GSE1: variants seen among roughly 807,000 people sequenced by gnomAD.
GSE1 encodes the protein genetic suppressor element 1.
GSE1 carries 32 observed loss-of-function variants against 112.6 expected under a neutral mutation model. The observed-to-expected ratio is 0.28, with a 90% CI of 0.21 to 0.38. GSE1 has a LOEUF of 0.38. GSE1 is among the 10% of genes least tolerant of loss of function. The pLI, the probability that GSE1 is intolerant of heterozygous loss-of-function variation, is 1.00. For missense variants in GSE1, 2,348 were observed against 1,699.2 expected, an observed-to-expected ratio of 1.38 and a Z score of -6.71; for synonymous variants, 1,115 against 735.6, an observed-to-expected ratio of 1.52 and a Z score of -8.35.
intron 2 of GSE1, among the ~76,000 whole-genome samples, chr16:85,370,063 C>G (rs1458959893): frequency 6.6e-6 from 1 of 152,160 alleles, no homozygotes; most frequent in Non-Finnish European, 1.5e-5. Context: ...TAGGTGGTCC[C>G]TGCGCCACCC....
intron 9 of GSE1, among the ~76,000 whole-genome samples, chr16:85,662,103 C>CAG (rs1261255784): frequency 6.6e-6 from 1 of 152,228 alleles, no homozygotes; most frequent in Admixed American, 6.5e-5. Flanking sequence ...TGCAGCATAA[C>CAG]AGGAGAGCCG....
intron 2 of GSE1, among the ~76,000 whole-genome samples, chr16:85,420,890 G>A (rs1371879577): frequency 1.3e-5 from 2 of 152,106 alleles, no homozygotes; most frequent in African/African-American, 4.8e-5. Context: ...TACCGGCTGC[G>A]GCGGCGATGG....
chr16:85,403,146 G>A (rs540920693), intron 2 of GSE1, among the ~76,000 whole-genome samples: 6 of 152,290 alleles, frequency 3.9e-5, no homozygotes, highest in African/African-American at 1.4e-4. Context: ...TTCCTTGCCG[G>A]ATGCTGGCTG....
chr16:85,538,984 C>T (rs2044426750), intron 2 of GSE1, among the ~76,000 whole-genome samples: 1 of 152,194 alleles, frequency 6.6e-6, no homozygotes, highest in African/African-American at 2.4e-5. Flanking sequence ...GCCATCCGGG[C>T]CACCATGGCA....
chr16:85,439,051 G>C (rs561124131), intron 2 of GSE1, among the ~76,000 whole-genome samples: 3 of 152,336 alleles, frequency 2.0e-5, no homozygotes, highest in African/African-American at 7.2e-5. Flanking sequence ...AAGCCCAGGG[G>C]AACATGAGAG....
At chr16:85,445,704 C>T (rs115964595) in intron 2 of GSE1, among the ~76,000 whole-genome samples, 3 of 152,172 alleles carry the variant, frequency 2.0e-5, no homozygotes, top group African/African-American at 4.8e-5. Context: ...TCGGGGAGCG[C>T]GCCAGCAGCA....
At chr16:85,297,770 C>T (rs771697078) in intron 1 of GSE1, among the ~76,000 whole-genome samples, 12 of 152,232 alleles carry the variant, frequency 7.9e-5, no homozygotes, top group Non-Finnish European at 1.6e-4. Context: ...CTTGGCCTCC[C>T]AAAGTGCTGG....
At chr16:85,582,019 C>G (rs2046468785) in intron 1 of GSE1, 1 of 152,214 alleles carries the variant, frequency 6.6e-6, no homozygotes, top group African/African-American at 2.4e-5. Context: ...TGCCAGCTAC[C>G]TGGGGTGGAG....
At chr16:85,299,151 G>T (rs1247069826) in intron 1 of GSE1, among the ~76,000 whole-genome samples, 1 of 152,240 alleles carries the variant, frequency 6.6e-6, no homozygotes, top group Non-Finnish European at 1.5e-5. Context: ...CCGTATGTTT[G>T]CACCGTCTTG....
chr16:85,517,088 C>G (rs1374463435), intron 2 of GSE1, among the ~76,000 whole-genome samples: 1 of 152,216 alleles, frequency 6.6e-6, no homozygotes, highest in African/African-American at 2.4e-5. Context: ...TGAGCCACCG[C>G]GCCCGGCCAT....
At chr16:85,665,159 C>A (rs1042529989) in intron 12 of GSE1, 31 bp downstream of exon 12, 6 of 1,338,464 alleles carry the variant, frequency 4.5e-6, no homozygotes, top group Non-Finnish European at 6.4e-6. Flanking sequence ...CCTGCCACCA[C>A]CCAGGACCAT....
rs534116074 is a variant in GSE1 at position 85,662,682 on chromosome 16, A to G, written c.2261-299A>G. On this transcript the variant is annotated intron_variant, in intron 9 of 15. Transcript: ENST00000253458. The stretch of plus-strand genomic sequence containing the variant: ...CCTGTGTTGCCGTGGACACAGCCCC[A>G]GGCCTGTGTGATGAATGGTTCCCTG... 9 of 406,732 alleles carry G rather than the reference A, an allele frequency of 2.2e-5. No individual in the cohort carries two copies. In the East Asian group the frequency reaches 4.2e-4, roughly 19 times the overall value. 25.2% of individuals were successfully genotyped at this position (406,732 alleles called of 1,614,324 possible).
rs118191377 is a variant in GSE1 at position 85,653,630 on chromosome 16, A to G, written c.427-648A>G. On this transcript the variant is annotated intron_variant, in intron 3 of 15. Coordinates refer to ENST00000253458, the MANE Select transcript of GSE1 (RefSeq NM_014615.5). ...CTTCCCTGCCCCACCGTGTGTGTGA[A>G]GGCCGGTACCCCAGCTGGCCAGTCA... Among the ~76,000 whole-genome samples, 33 of 151,984 alleles carry G rather than the reference A, an allele frequency of 2.2e-4. No individual in the cohort carries two copies. The East Asian group carries it at 6.5e-3, about 30-fold the overall frequency.
At chr16:85,454,126 C>A (rs1173561980) in intron 2 of GSE1, among the ~76,000 whole-genome samples, 7 of 152,208 alleles carry the variant, frequency 4.6e-5, no homozygotes, top group Non-Finnish European at 1.0e-4. Context: ...CTGGTGGTAA[C>A]CCTGCTTTCC....
chr16:85,211,903 GGATTTCAAGGCACCA>G (rs2075232643), intron 1 of GSE1, among the ~76,000 whole-genome samples: 1 of 152,218 alleles, frequency 6.6e-6, no homozygotes, highest in African/African-American at 2.4e-5. Flanking sequence ...TTGAGCGCCT[GGATTTCAAGGCACCA>G]GGGGGCTGAA....
intron 1 of GSE1, among the ~76,000 whole-genome samples, chr16:85,312,606 A>G (rs1165717922): frequency 6.6e-6 from 1 of 151,536 alleles, no homozygotes; most frequent in Non-Finnish European, 1.5e-5. Context: ...ATCTGCAAAG[A>G]CCCCCTTTCC....
intron 1 of GSE1, among the ~76,000 whole-genome samples, chr16:85,243,409 C>T (rs566377846): frequency 6.6e-6 from 1 of 152,258 alleles, no homozygotes; most frequent in Non-Finnish European, 1.5e-5. Context: ...GACACACACT[C>T]CTTTGCTCAC....
intron 1 of GSE1, among the ~76,000 whole-genome samples, chr16:85,220,747 C>CT (rs898348545): frequency 1.3e-5 from 2 of 152,204 alleles, no homozygotes; most frequent in African/African-American, 4.8e-5. Context: ...GTGTCTGCCT[C>CT]TATCCCTTTC....
chr16:85,453,205 TGGG>T (rs1332208007), intron 2 of GSE1, among the ~76,000 whole-genome samples: 2 of 151,948 alleles, frequency 1.3e-5, no homozygotes, highest in Non-Finnish European at 2.9e-5. Context: ...GCACGGCTGA[TGGG>T]GGTGTGAAGG....
Sources: allele counts gnomAD v4.1 joint callset (sites outside exome capture counted in the v4.1 genomes callset), GRCh38; gene constraint gnomAD v4.1.1; transcripts MANE v1.5; gene names NCBI Gene and HGNC (gene_info 2026-07-23, HGNC 2026-07-21).